Variants in CTNND2 observed in about 807,000 individuals in gnomAD.
CTNND2 encodes catenin delta-2.
Under a neutral mutation model 144.4 loss-of-function variants are expected in CTNND2, and 22 were observed. That is an observed-to-expected ratio of 0.15 (90% CI 0.11 to 0.22). The LOEUF is 0.22. Ranked by LOEUF, CTNND2 falls within the 10% of genes least tolerant of loss-of-function variation. CTNND2 has a pLI of 1.00. For synonymous variants in CTNND2, 751 were observed against 695.6 expected (o/e 1.08, Z -1.25); for missense variants, 1,353 against 1,618.8 (o/e 0.84, Z 2.82).
At chr5:11,120,243 G>C (rs1411425047) in intron 12 of CTNND2, among the ~76,000 whole-genome samples, 1 of 152,166 alleles carries the variant, frequency 6.6e-6, no homozygotes, top group Non-Finnish European at 1.5e-5. Flanking sequence ...ACTTCAAGAG[G>C]GGGTTATCAT....
At chr5:11,015,138 A>G (rs1284145286) in intron 18 of CTNND2, among the ~76,000 whole-genome samples, 2 of 152,240 alleles carry the variant, frequency 1.3e-5, no homozygotes, top group African/African-American at 4.8e-5. Context: ...ATTAAAAGAT[A>G]TGGATCAGAC....
At chr5:11,526,605 G>A (rs1160199746) in intron 3 of CTNND2, among the ~76,000 whole-genome samples, 1 of 152,128 alleles carries the variant, frequency 6.6e-6, no homozygotes, top group East Asian at 1.9e-4. Flanking sequence ...TTCTAAACAT[G>A]TCTAAGCATT....
chr5:11,240,654 C>T (rs958801900), intron 9 of CTNND2, among the ~76,000 whole-genome samples: 5 of 143,878 alleles, frequency 3.5e-5, no homozygotes, highest in African/African-American at 1.0e-4. Context: ...TACCCAACAC[C>T]CAACACACTC....
intron 3 of CTNND2, among the ~76,000 whole-genome samples, chr5:11,459,128 CAG>C (rs1232173338): frequency 2.0e-5 from 3 of 152,126 alleles, no homozygotes; most frequent in Admixed American, 6.5e-5. Context: ...AGACAATACA[CAG>C]AAAGTGCTTA....
intron 3 of CTNND2, among the ~76,000 whole-genome samples, chr5:11,422,358 G>A (rs1762440024): frequency 6.6e-6 from 1 of 152,162 alleles, no homozygotes; most frequent in Non-Finnish European, 1.5e-5. Context: ...TCTTGCCATA[G>A]TAAAAGCCAT....
chr5:11,160,813 A>G (rs896161647), intron 11 of CTNND2, among the ~76,000 whole-genome samples: 4 of 152,216 alleles, frequency 2.6e-5, no homozygotes, highest in African/African-American at 4.8e-5. Context: ...TTATGAATAG[A>G]ACAAACAGAA....
At chr5:11,088,552 T>C (rs1360694030) in intron 15 of CTNND2, among the ~76,000 whole-genome samples, 1 of 152,234 alleles carries the variant, frequency 6.6e-6, no homozygotes, top group Non-Finnish European at 1.5e-5. Flanking sequence ...GGAAGTGATC[T>C]GGACTTCATG....
At chr5:11,255,909 G>A (rs1744184550) in intron 9 of CTNND2, among the ~76,000 whole-genome samples, 1 of 152,046 alleles carries the variant, frequency 6.6e-6, no homozygotes, top group African/African-American at 2.4e-5. Context: ...ATTTTATCCT[G>A]CACAACTCCG....
At chr5:11,529,743 T>C (rs1773569123) in intron 3 of CTNND2, among the ~76,000 whole-genome samples, 1 of 152,100 alleles carries the variant, frequency 6.6e-6, no homozygotes, top group African/African-American at 2.4e-5. Flanking sequence ...TTTAGAAACA[T>C]TTTCATAAAA....
intron 1 of CTNND2, among the ~76,000 whole-genome samples, chr5:11,860,763 T>C (rs1023628446): frequency 1.3e-5 from 2 of 152,286 alleles, no homozygotes; most frequent in East Asian, 3.9e-4. Flanking sequence ...TTAAATACAA[T>C]AGGTTTTTGA....
intron 2 of CTNND2, among the ~76,000 whole-genome samples, chr5:11,658,259 T>C (rs1467777987): frequency 6.6e-6 from 1 of 152,022 alleles, no homozygotes; most frequent in African/African-American, 2.4e-5. Context: ...TGTGTTCCTG[T>C]TGACTCATGA....
chr5:11,570,967 C>T (rs772192187), intron 2 of CTNND2, among the ~76,000 whole-genome samples: 1 of 151,982 alleles, frequency 6.6e-6, no homozygotes, highest in Non-Finnish European at 1.5e-5. Flanking sequence ...GTTTTACTTT[C>T]TGAAAAGTTT....
chr5:11,484,963 T>C (rs975730681), intron 3 of CTNND2, among the ~76,000 whole-genome samples: 3 of 152,182 alleles, frequency 2.0e-5, no homozygotes, highest in African/African-American at 7.2e-5. Context: ...ACTATTTATT[T>C]ATACCTGATT....
At chr5:11,420,584 G>A (rs1033864510) in intron 3 of CTNND2, among the ~76,000 whole-genome samples, 2 of 152,128 alleles carry the variant, frequency 1.3e-5, no homozygotes, top group East Asian at 3.9e-4. Flanking sequence ...GCTTTAGGCC[G>A]CTGTTGCCCT....
intron 7 of CTNND2, 44 bp from the exon 8 acceptor site, chr5:11,364,934 C>G: frequency 6.6e-7 from 1 of 1,518,532 alleles, no homozygotes; most frequent in Non-Finnish European, 9.0e-7. Flanking sequence ...AGGCGACCTC[C>G]AAACAGAACT....
intron 3 of CTNND2, among the ~76,000 whole-genome samples, chr5:11,426,586 T>A (rs1762799755): frequency 6.6e-6 from 1 of 152,234 alleles, no homozygotes. Context: ...AATGCCCTGA[T>A]GGACTCATGA....
At chr5:11,524,880 ATGTT>A (rs1773085602) in intron 3 of CTNND2, among the ~76,000 whole-genome samples, 1 of 152,076 alleles carries the variant, frequency 6.6e-6, no homozygotes, top group Admixed American at 6.5e-5. Flanking sequence ...AAAGACTACA[ATGTT>A]GTCCTTTTAC....
At chr5:11,178,296 A>C (rs537672636) in intron 11 of CTNND2, among the ~76,000 whole-genome samples, 3 of 152,220 alleles carry the variant, frequency 2.0e-5, no homozygotes, top group Admixed American at 6.5e-5. Context: ...TAAAAGGAGA[A>C]CACAACAGTG....
intron 3 of CTNND2, among the ~76,000 whole-genome samples, chr5:11,558,784 G>A (rs1053966485): frequency 5.3e-5 from 8 of 152,136 alleles, no homozygotes; most frequent in Admixed American, 1.3e-4. Context: ...CTGAGGTCTC[G>A]ATCTCAGCTA....
Sources: allele counts gnomAD v4.1 joint callset (sites outside exome capture counted in the v4.1 genomes callset), GRCh38; gene constraint gnomAD v4.1.1; transcripts MANE v1.5; gene names NCBI Gene and HGNC (gene_info 2026-07-23, HGNC 2026-07-21).